FES: variants seen among roughly 807,000 people sequenced by gnomAD.
FES encodes the protein tyrosine-protein kinase Fes/Fps.
In FES, 83 loss-of-function variants were observed where a neutral mutation model predicts 109.6. The ratio of observed to expected loss-of-function variants is 0.76; its 90% CI spans 0.63 to 0.91. The LOEUF is 0.91. Among genes scored for constraint, FES ranks in the 40% least tolerant of loss-of-function variants. The probability of loss-of-function intolerance (pLI) is 0.00; values close to 1 mark genes in which losing one functional copy is unlikely to be tolerated. For synonymous variants in FES, 458 were observed against 442.1 expected (o/e 1.04, Z -0.45); for missense variants, 943 against 1,070.9 (o/e 0.88, Z 1.67).
chr15:90,887,436 A>G lies in FES; in HGVS notation c.668+66A>G. 4.7e-6 allele frequency: 7 copies of G among 1,476,398 alleles called. No homozygotes were observed. In the South Asian group the frequency reaches 9.1e-5, roughly 19 times the overall value. 91.5% of individuals were successfully genotyped at this position (1,476,398 alleles called of 1,614,324 possible). A position where few individuals can be genotyped will look rare whatever the true frequency, so the allele number is the denominator to read the frequency against. On this transcript the variant is annotated intron_variant, in intron 5 of 18. Coordinates refer to ENST00000328850, the MANE Select transcript of FES (RefSeq NM_002005.4). ...AGCCCTAAGCCCAGCCATCAGGCCC[A>G]GAGGCAGGACCCAGAAAATCCATTG...
chr15:90,894,170 A>G, intron 18 of FES, 112 bp downstream of exon 18: 1 of 1,300,314 alleles, frequency 7.7e-7, no homozygotes, highest in Non-Finnish European at 1.1e-6. Context: ...AATAAGAATA[A>G]CCTGGCCAGT....
chr15:90,890,898 G>A (rs747145494), intron 10 of FES, 84 bp from the exon 11 acceptor site: 6 of 1,333,446 alleles, frequency 4.5e-6, no homozygotes, highest in South Asian at 4.0e-5. Flanking sequence ...GGGCATATAG[G>A]GGGGAGAGAG....
intron 17 of FES, 33 bp from the exon 18 acceptor site, chr15:90,893,903 T>G: frequency 6.2e-7 from 1 of 1,612,666 alleles, no homozygotes; most frequent in Non-Finnish European, 8.5e-7. Context: ...GAGGGTGCAC[T>G]CACGCTGCCT....
Position 90,889,868 on chromosome 15 carries a change from G to T in FES, c.955G>T (p.Val319Leu), listed in dbSNP as rs751891858. The T allele has an allele frequency of 6.2e-7, 1 of 1,613,520 alleles. No individual in the cohort carries two copies. Among genetic ancestry groups the T allele is most frequent in the Non-Finnish European group, 8.5e-7 (1 of 1,179,948 alleles). Residue 319 changes from valine (V) to leucine (L), a missense_variant, in exon 8 of 19, where the codon GTG becomes TTG. Transcript: ENST00000328850. The surrounding 1 kb of genome is among the most constrained non-coding windows in gnomAD (Gnocchi z 6.1). ...GACCTCAGTGACAGATGAGCTGGCT[G>T]TGGCCACCGAGATGGTGTTCAGGCG... Reference protein sequence around the residue: ...TLTSVTDELAVATEMVFRRQE... With the variant: ...TLTSVTDELALATEMVFRRQE...
chr15:90,894,132 C>T (rs2033495432), intron 18 of FES, 74 bp downstream of exon 18: 5 of 1,528,446 alleles, frequency 3.3e-6, no homozygotes, highest in Admixed American at 1.8e-5. Context: ...CTTCTAACTC[C>T]CTTAATGCCA....
chr15:90,885,291 CT>C (rs11330240), intron 2 of FES, 33 bp downstream of exon 2: 500,274 of 1,605,772 alleles, frequency 0.31, 80,762 homozygotes, highest in African/African-American at 0.35. Context: ...TGGGTGCTGG[CT>C]GTATCTGCCT....
rs934324479 is a variant in FES at position 90,886,687 on chromosome 15, G to A, written c.388-274G>A. Among the ~76,000 whole-genome samples the A allele has an allele frequency of 2.0e-5, 3 of 152,342 alleles. 1 individual carries two copies. In the South Asian group the frequency reaches 6.2e-4, roughly 32 times the overall value. The stretch of plus-strand genomic sequence containing the variant: ...GGAGCCCCGTGTGACTGCACAGGCC[G>A]TGCACACCTGCAACTGGCCCTGCCT... On this transcript the variant is annotated intron_variant, in intron 3 of 18. Transcript: ENST00000328850.
At chr15:90,891,314 C>T in intron 11 of FES, 123 bp downstream of exon 11, 1 of 1,272,554 alleles carries the variant, frequency 7.9e-7, no homozygotes, top group Admixed American at 2.0e-5. Context: ...CCTAGCAGGG[C>T]TGGCTGGAAG....
chr15:90,888,747 CATTTATTTATTTATTTATTTATTT>C (rs57072260), intron 5 of FES, among the ~76,000 whole-genome samples: 5 of 142,564 alleles, frequency 3.5e-5, no homozygotes, highest in African/African-American at 5.2e-5. Context: ...GATAGCAGTT[CATTTATTTATTTATTTATTTATTT>C]ATTTATTTAT....
chr15:90,887,551 C>T (rs373751084), intron 5 of FES, among the ~76,000 whole-genome samples, 181 bp downstream of exon 5: 1 of 152,242 alleles, frequency 6.6e-6, no homozygotes, highest in African/African-American at 2.4e-5. Flanking sequence ...TACACTATTC[C>T]AGGGTCTCAT....
Position 90,885,200 on chromosome 15 carries a change from C to A in FES, c.155C>A (p.Ser52Tyr). ...REYAGLLHHM[S>Y]LQDSGGQSRA... Reference sequence around the variant, plus strand: ...TATGCAGGACTGCTTCACCACATGTCCCTGCAGGACAGTGGGGGCCAGAGC... The same window carrying A: ...TATGCAGGACTGCTTCACCACATGTACCTGCAGGACAGTGGGGGCCAGAGC... The change falls in exon 2 of 19, where the codon TCC becomes TAC. Residue 52 changes from serine to tyrosine, a missense_variant. By Grantham distance (144) the Ser-to-Tyr change is moderately radical (BLOSUM62 -2). Coordinates refer to ENST00000328850, the MANE Select transcript of FES (RefSeq NM_002005.4). 1 of 1,613,764 alleles carries A rather than the reference C, an allele frequency of 6.2e-7. No individual in the cohort carries two copies. Among genetic ancestry groups the A allele is most frequent in the Non-Finnish European group, 8.5e-7 (1 of 1,180,032 alleles).
rs751373533 is a variant in FES at position 90,889,640 on chromosome 15, G to A, written c.926+4G>A. On this transcript the variant is annotated splice_donor_region_variant and intron_variant, in intron 7 of 18. Transcript: ENST00000328850. The surrounding 1 kb of genome is among the most constrained non-coding windows in gnomAD (Gnocchi z 6.1). ...CTGTGGAGAGCGTGCAGCACACGTGGGTGGTGGCTTTGCACCTGGGCTGCG... is the reference window on the plus strand; with the variant it reads ...CTGTGGAGAGCGTGCAGCACACGTGAGTGGTGGCTTTGCACCTGGGCTGCG... The A allele has an allele frequency of 6.2e-7, 1 of 1,612,850 alleles. No homozygotes were observed. Among genetic ancestry groups the A allele is most frequent in the African/African-American group, 1.3e-5 (1 of 75,014 alleles).
Position 90,885,426 on chromosome 15 carries a change from C to T in FES, c.228C>T (p.Ile76=), listed in dbSNP as rs920337700. 47 of 1,612,494 alleles carry T rather than the reference C, an allele frequency of 2.9e-5. No homozygotes were observed. Among genetic ancestry groups the T allele is most frequent in the Non-Finnish European group, 3.6e-5 (43 of 1,179,740 alleles). Residue 76 remains isoleucine, a synonymous_variant, in exon 3 of 19, where the codon ATC becomes ATT. Transcript: ENST00000328850. ...DSPISQSWAE[I]TSQTEGLSRL... is the part of the protein sequence containing the mutation. Reference sequence around the variant, plus strand: ...GTGCTGTATAGTCCTGGGCTGAGATCACCAGCCAAACTGAGGGCCTGAGCC... The same window carrying T: ...GTGCTGTATAGTCCTGGGCTGAGATTACCAGCCAAACTGAGGGCCTGAGCC...
rs148289515 is a variant in FES at position 90,893,330 on chromosome 15, G to A, written c.1961G>A (p.Arg654His). ...FLTFLRTEGARLRVKTLLQMV... is the reference protein window; with the variant it reads ...FLTFLRTEGAHLRVKTLLQMV... ...ACCTTCCTCCGCACGGAGGGGGCCC[G>A]CCTGCGGGTGAAGACTCTGCTGCAG... The change falls in exon 16 of 19, where the codon CGC becomes CAC. Residue 654 changes from arginine (R) to histidine (H), a missense_variant. By Grantham distance (29) the Arg-to-His change is conservative. Coordinates refer to ENST00000328850, the MANE Select transcript of FES (RefSeq NM_002005.4). The A allele has an allele frequency of 3.0e-5, 47 of 1,577,280 alleles. No individual in the cohort carries two copies. The highest frequency in any genetic ancestry group is 3.0e-4 in the African/African-American group (22 of 74,396).
At chr15:90,887,992 G>C (rs1048928148) in intron 5 of FES, among the ~76,000 whole-genome samples, 3 of 152,232 alleles carry the variant, frequency 2.0e-5, no homozygotes, top group Non-Finnish European at 2.9e-5. Flanking sequence ...CGAGGCTGGA[G>C]GAGGCAGGCG....
Position 90,885,591 on chromosome 15 carries a change from C to T in FES, c.387+6C>T, listed in dbSNP as rs201335471. 506 of 1,611,224 alleles carry T rather than the reference C, an allele frequency of 3.1e-4. 2 individuals carry two copies. The highest frequency in any genetic ancestry group is 2.4e-4 in the Non-Finnish European group (282 of 1,179,350). On this transcript the variant is annotated splice_donor_region_variant and intron_variant, in intron 3 of 18. Transcript: ENST00000328850. ...TGCAGCAGGAGCTCACCAAGGTGAGCGGGCAGCACTGGGGCTTCGGTCATT... is the reference window on the plus strand; with the variant it reads ...TGCAGCAGGAGCTCACCAAGGTGAGTGGGCAGCACTGGGGCTTCGGTCATT...
intron 16 of FES, 68 bp downstream of exon 16, chr15:90,893,482 AG>A (rs1349255899): frequency 2.7e-6 from 4 of 1,506,142 alleles, no homozygotes; most frequent in Non-Finnish European, 3.5e-6. Flanking sequence ...CTATACCCCT[AG>A]GGCCCCCCGC....
Position 90,891,614 on chromosome 15 carries a change from C to T in FES, c.1591C>T (p.Leu531=). 1 of 1,614,058 alleles carries T rather than the reference C, an allele frequency of 6.2e-7. No homozygotes were observed. The highest frequency in any genetic ancestry group is 8.5e-7 in the Non-Finnish European group (1 of 1,180,004). Residue 531 remains leucine (L), a synonymous_variant, in exon 12 of 19, where the codon CTG becomes TTG. Transcript: ENST00000328850. Reference sequence around the variant, plus strand: ...CATTCCTTTGCTCATCGACCACCTACTGAGCACCCAGCAGCCCCTCACCAA... The same window carrying T: ...CATTCCTTTGCTCATCGACCACCTATTGAGCACCCAGCAGCCCCTCACCAA... ...PSIPLLIDHL[L]STQQPLTKKS...
In FES at chr15:90,891,584, C is replaced by G; in HGVS notation, c.1561C>G (p.Pro521Ala). The change falls in exon 12 of 19, where the codon CCT becomes GCT. Residue 521 changes from proline (P) to alanine (A), a missense_variant. Pro to Ala is a conservative substitution (Grantham distance 27). Transcript: ENST00000328850. The stretch of plus-strand genomic sequence containing the variant: ...GTACCGACTGGAAGGGGAAGGCTTT[C>G]CTAGCATTCCTTTGCTCATCGACCA... ...NLYRLEGEGF[P>A]SIPLLIDHLL... 1 of 1,613,834 alleles carries G rather than the reference C, an allele frequency of 6.2e-7. No individual in the cohort carries two copies.
Sources: allele counts gnomAD v4.1 joint callset (sites outside exome capture counted in the v4.1 genomes callset), GRCh38; gene constraint gnomAD v4.1.1; non-coding constraint Gnocchi (gnomAD v3.1); transcripts MANE v1.5; gene names NCBI Gene and HGNC (gene_info 2026-07-23, HGNC 2026-07-21).